YEATS2: variants seen among roughly 807,000 people sequenced by gnomAD.
YEATS2 encodes the protein YEATS domain containing 2.
In YEATS2, 77 loss-of-function variants were observed where a neutral mutation model predicts 163.2. That is an observed-to-expected ratio of 0.47 (90% CI 0.39 to 0.57). The LOEUF (loss-of-function observed/expected upper bound fraction) is 0.57, where lower values mean the gene tolerates loss of function less well. Ranked by LOEUF, YEATS2 falls within the 20% of genes least tolerant of loss-of-function variation. The probability of loss-of-function intolerance (pLI) is 0.00; values close to 1 mark genes in which losing one functional copy is unlikely to be tolerated. For synonymous variants in YEATS2, 631 were observed against 645.1 expected, an observed-to-expected ratio of 0.98 and a Z score of 0.33; for missense variants, 1,549 against 1,729.8, an observed-to-expected ratio of 0.90 and a Z score of 1.85.
intron 1 of YEATS2, among the ~76,000 whole-genome samples, chr3:183,698,896 C>G (rs1221643621): frequency 6.6e-6 from 1 of 152,180 alleles, no homozygotes; most frequent in African/African-American, 2.4e-5. Flanking sequence ...GTTTTACGAT[C>G]TAGAGATACT....
intron 11 of YEATS2, 23 bp from the exon 12 acceptor site, chr3:183,756,505 A>T (rs1171443752): frequency 6.6e-7 from 1 of 1,525,518 alleles, no homozygotes; most frequent in Non-Finnish European, 8.8e-7. Flanking sequence ...TTTTGTTTGT[A>T]TTCTCTCTTT....
chr3:183,726,895 G>T (rs1577065868), intron 6 of YEATS2, among the ~76,000 whole-genome samples: 1 of 152,136 alleles, frequency 6.6e-6, no homozygotes, highest in African/African-American at 2.4e-5. Flanking sequence ...TCCACCTCCA[G>T]GGTTCAAGCG....
chr3:183,801,249 T>TA, intron 24 of YEATS2: 1 of 445,054 alleles, frequency 2.2e-6, no homozygotes. Context: ...CCTGGGATCT[T>TA]AGTCTTGACA....
At chr3:183,758,078 C>G (rs549135601) in intron 12 of YEATS2, among the ~76,000 whole-genome samples, 7 of 152,222 alleles carry the variant, frequency 4.6e-5, no homozygotes, top group African/African-American at 1.7e-4. Context: ...TTAATGTTGG[C>G]CAGGCGTGGT....
At chr3:183,779,766 C>T (rs985623846) in intron 19 of YEATS2, among the ~76,000 whole-genome samples, 6 of 151,946 alleles carry the variant, frequency 3.9e-5, no homozygotes, top group East Asian at 1.9e-4. Context: ...GGCACGATCT[C>T]GGCTCACTGC....
At chr3:183,717,275 T>C (rs1384512220) in intron 2 of YEATS2, among the ~76,000 whole-genome samples, 2 of 152,242 alleles carry the variant, frequency 1.3e-5, no homozygotes, top group African/African-American at 4.8e-5. Context: ...CATATCTCTT[T>C]AGTCTCTCTC....
At chr3:183,763,218 A>G (rs1721556961) in intron 15 of YEATS2, among the ~76,000 whole-genome samples, 1 of 152,132 alleles carries the variant, frequency 6.6e-6, no homozygotes, top group African/African-American at 2.4e-5. Flanking sequence ...TCCAGATAGA[A>G]TAGCTAACTA....
At chr3:183,701,538 C>T (rs1209989997) in intron 1 of YEATS2, among the ~76,000 whole-genome samples, 3 of 152,108 alleles carry the variant, frequency 2.0e-5, no homozygotes, top group African/African-American at 4.8e-5. Context: ...AGGTACACAC[C>T]ACCATGCCCA....
At chr3:183,731,221 C>T (rs1414810123) in intron 7 of YEATS2, among the ~76,000 whole-genome samples, 1 of 150,504 alleles carries the variant, frequency 6.6e-6, no homozygotes, top group Non-Finnish European at 1.5e-5. Context: ...ATGGCTTGAA[C>T]CAGGGAGTCA....
chr3:183,809,520 AT>A (rs1244012769), intron 30 of YEATS2: 2 of 169,386 alleles, frequency 1.2e-5, no homozygotes, highest in Non-Finnish European at 2.5e-5. Context: ...ATATTACCTA[AT>A]TTGTTTTTCA....
At chr3:183,790,752 G>A in intron 20 of YEATS2, 45 bp from the exon 21 acceptor site, 1 of 1,591,686 alleles carries the variant, frequency 6.3e-7, no homozygotes, top group African/African-American at 1.3e-5. Flanking sequence ...TCATCACTCT[G>A]CTTTCTTCCT....
intron 8 of YEATS2, among the ~76,000 whole-genome samples, chr3:183,742,245 A>G (rs149410035): frequency 1.1e-4 from 16 of 152,208 alleles, no homozygotes; most frequent in African/African-American, 3.9e-4. Flanking sequence ...GGAAAAAAAT[A>G]TATTTTGTAA....
intron 15 of YEATS2, among the ~76,000 whole-genome samples, chr3:183,767,167 A>G (rs1374184722): frequency 1.3e-5 from 2 of 152,152 alleles, no homozygotes; most frequent in African/African-American, 2.4e-5. Context: ...GGCGGTGTGC[A>G]CAAGGTGGGT....
intron 6 of YEATS2, among the ~76,000 whole-genome samples, chr3:183,726,102 G>A (rs1717069198): frequency 6.6e-6 from 1 of 152,006 alleles, no homozygotes; most frequent in African/African-American, 2.4e-5. Flanking sequence ...CAAGCTCTTT[G>A]TTGCTTCAAA....
chr3:183,810,641 G>C lies in YEATS2; in HGVS notation c.*58G>C. The C allele has an allele frequency of 6.6e-7, 1 of 1,510,490 alleles. No homozygotes were observed. Among genetic ancestry groups the C allele is most frequent in the Non-Finnish European group, 9.2e-7 (1 of 1,092,124 alleles). The allele number at this position is 1,510,490 out of a possible 1,614,324, so 93.6% of individuals were successfully genotyped here. Reference sequence around the variant, plus strand: ...GAAGGCACAGCGAAGCTGTAACTGAGGACCCTGCTGCTCGGGAAGGAGGTG... The same window carrying C: ...GAAGGCACAGCGAAGCTGTAACTGACGACCCTGCTGCTCGGGAAGGAGGTG... On this transcript the variant is annotated 3_prime_UTR_variant, in exon 31 of 31. Transcript: ENST00000305135.
intron 15 of YEATS2, among the ~76,000 whole-genome samples, chr3:183,771,533 T>C (rs1722457876): frequency 6.9e-6 from 1 of 145,762 alleles, no homozygotes; most frequent in South Asian, 2.1e-4. Flanking sequence ...TAGTTAAATA[T>C]TATTCTTGCC....
Position 183,812,184 on chromosome 3 carries a change from C to T in YEATS2, c.*1601C>T, listed in dbSNP as rs1442317436. ...CCAGGAGGCGGAGGTTGCAGTGTGC[C>T]AAGATCATACCACTGCACTCCAGCC... On this transcript the variant is annotated 3_prime_UTR_variant, in exon 31 of 31. Coordinates refer to ENST00000305135, the MANE Select transcript of YEATS2 (RefSeq NM_018023.5). 2 of 152,334 alleles carry T rather than the reference C, an allele frequency of 1.3e-5. No individual in the cohort carries two copies. Among genetic ancestry groups the T allele is most frequent in the Non-Finnish European group, 2.9e-5 (2 of 68,074 alleles). 9.4% of individuals were successfully genotyped at this position (152,334 alleles called of 1,614,324 possible).
At chr3:183,763,048 C>G (rs888454671) in intron 15 of YEATS2, among the ~76,000 whole-genome samples, 4 of 134,104 alleles carry the variant, frequency 3.0e-5, no homozygotes, top group African/African-American at 1.2e-4. Flanking sequence ...GAGACTCTGT[C>G]TCAAAAAAAT....
At chr3:183,760,337 T>TG (rs1362684864) in intron 13 of YEATS2, among the ~76,000 whole-genome samples, 35 of 123,990 alleles carry the variant, frequency 2.8e-4, no homozygotes, top group Admixed American at 5.4e-4. Context: ...TTTTTTTTTT[T>TG]TGAGACAGAG....
Sources: allele counts gnomAD v4.1 joint callset (sites outside exome capture counted in the v4.1 genomes callset), GRCh38; gene constraint gnomAD v4.1.1; transcripts MANE v1.5; gene names NCBI Gene and HGNC (gene_info 2026-07-23, HGNC 2026-07-21).